Variants in SNX8 observed in about 807,000 individuals in gnomAD.
SNX8 encodes sorting nexin 8.
A neutral mutation model predicts 51.6 loss-of-function variants in SNX8; 25 were observed. The ratio of observed to expected loss-of-function variants is 0.48; its 90% CI spans 0.35 to 0.68. SNX8 has a LOEUF of 0.68. SNX8 is among the 30% of genes least tolerant of loss of function. The probability of loss-of-function intolerance (pLI) is 0.00; values close to 1 mark genes in which losing one functional copy is unlikely to be tolerated. For missense variants in SNX8, 695 were observed against 624.0 expected, an observed-to-expected ratio of 1.11 and a Z score of -1.21; for synonymous variants, 324 against 277.0, an observed-to-expected ratio of 1.17 and a Z score of -1.68.
chr7:2,334,869 GAAAAAAAA>G (rs71023399), intron 1 of SNX8, among the ~76,000 whole-genome samples: 8 of 80,102 alleles, frequency 1.0e-4, no homozygotes, highest in East Asian at 3.2e-4. Context: ...GCCCATCTCT[GAAAAAAAA>G]AAAAAAAAAA....
At chr7:2,327,093 A>C (rs1583114483) in intron 1 of SNX8, among the ~76,000 whole-genome samples, 1 of 152,114 alleles carries the variant, frequency 6.6e-6, no homozygotes. Context: ...ATAGGGGAGG[A>C]TTCCTTCTTG....
rs976758077 is a variant in SNX8, at chr7:2,257,385, G to A, written c.1114C>T (p.Leu372=). Residue 372 remains leucine, a synonymous_variant, in exon 9 of 11, where the codon CTG becomes TTG. Transcript: ENST00000222990. ...CCCACCTCCACAATGCGGGACTCCA[G>A]CTGCTCCACGGACTCCGGCTCGCGG... The part of the protein sequence containing the change: ...QNREPESVEQ[L]ESRIVEQENA... 6 of 1,608,822 alleles carry A rather than the reference G, an allele frequency of 3.7e-6. No individual in the cohort carries two copies. The highest frequency in any genetic ancestry group is 5.1e-6 in the Non-Finnish European group (6 of 1,179,518).
intron 1 of SNX8, among the ~76,000 whole-genome samples, chr7:2,312,998 C>T (rs867556976): frequency 2.0e-5 from 3 of 152,136 alleles, no homozygotes; most frequent in South Asian, 4.2e-4. Flanking sequence ...CCCGGGTTCA[C>T]GCCATTCTCC....
At chr7:2,256,698 T>C (rs1388102681) in intron 10 of SNX8, among the ~76,000 whole-genome samples, 176 bp downstream of exon 10, 1 of 152,174 alleles carries the variant, frequency 6.6e-6, no homozygotes, top group African/African-American at 2.4e-5. Context: ...TGATTTTGGC[T>C]ACACAGGAGA....
intron 1 of SNX8, among the ~76,000 whole-genome samples, chr7:2,294,937 G>A (rs1413236991): frequency 3.3e-5 from 5 of 152,112 alleles, no homozygotes; most frequent in Non-Finnish European, 7.4e-5. Context: ...AGCTGAGGTA[G>A]GAGGATCACT....
chr7:2,294,119 T>G (rs1292945849), intron 1 of SNX8, among the ~76,000 whole-genome samples: 1 of 151,460 alleles, frequency 6.6e-6, no homozygotes, highest in African/African-American at 2.4e-5. Context: ...AAAAATTAGC[T>G]GGGCATGGTG....
intron 1 of SNX8, among the ~76,000 whole-genome samples, chr7:2,341,949 G>T (rs1164279846): frequency 6.6e-6 from 1 of 152,034 alleles, no homozygotes; most frequent in Non-Finnish European, 1.5e-5. Flanking sequence ...CTCCAGCCTG[G>T]ATGACAGAGT....
chr7:2,340,849 T>G (rs1778908728), intron 1 of SNX8, among the ~76,000 whole-genome samples: 2 of 97,476 alleles, frequency 2.1e-5, no homozygotes, highest in African/African-American at 4.0e-5. Context: ...AGAGGGAGGC[T>G]GCTTCTCAAA....
At chr7:2,283,619 G>A (rs897827602) in intron 1 of SNX8, among the ~76,000 whole-genome samples, 4 of 152,222 alleles carry the variant, frequency 2.6e-5, no homozygotes, top group African/African-American at 9.6e-5. Flanking sequence ...GTCCCCAGCT[G>A]CCAGTTCCCT....
chr7:2,263,462 C>T (rs929046898), intron 6 of SNX8, 100 bp from the exon 7 acceptor site: 34 of 1,216,754 alleles, frequency 2.8e-5, no homozygotes, highest in Admixed American at 7.1e-5. Flanking sequence ...CCACGGCAAC[C>T]TGCGTGACCC....
At chr7:2,350,262 C>A (rs1165280691) in intron 1 of SNX8, among the ~76,000 whole-genome samples, 1 of 152,198 alleles carries the variant, frequency 6.6e-6, no homozygotes, top group Non-Finnish European at 1.5e-5. Context: ...GACGTTGAGG[C>A]TCTCTTGATA....
At chr7:2,337,852 T>TAA (rs66642038) in intron 1 of SNX8, among the ~76,000 whole-genome samples, 6,870 of 131,398 alleles carry the variant, frequency 0.052, 542 homozygotes, top group African/African-American at 0.17. Flanking sequence ...GGATATCTTG[T>TAA]AAAAAAAAAA....
At chr7:2,343,046 C>G (rs535836432) in intron 1 of SNX8, among the ~76,000 whole-genome samples, 13 of 151,914 alleles carry the variant, frequency 8.6e-5, no homozygotes, top group Admixed American at 3.9e-4. Flanking sequence ...CCACCTGCCT[C>G]GACCTCCCAG....
intron 1 of SNX8, among the ~76,000 whole-genome samples, chr7:2,282,012 C>G (rs577417288): frequency 5.1e-4 from 77 of 152,312 alleles, no homozygotes; most frequent in African/African-American, 1.4e-3. Context: ...AAGTGTCTTG[C>G]CCCTGAAATG....
intron 5 of SNX8, among the ~76,000 whole-genome samples, chr7:2,265,084 G>A (rs1472372207): frequency 6.6e-6 from 1 of 152,190 alleles, no homozygotes; most frequent in Non-Finnish European, 1.5e-5. Context: ...GCCGGGCGCA[G>A]TGGCTCACGC....
At chr7:2,349,978 C>T (rs1049286366) in intron 1 of SNX8, among the ~76,000 whole-genome samples, 2 of 152,052 alleles carry the variant, frequency 1.3e-5, no homozygotes, top group East Asian at 3.9e-4. Flanking sequence ...CCGGAGCCAC[C>T]CCACTAGAGA....
intron 1 of SNX8, among the ~76,000 whole-genome samples, chr7:2,285,038 T>C (rs553777540): frequency 2.5e-4 from 38 of 151,748 alleles, no homozygotes; most frequent in African/African-American, 8.2e-4. Flanking sequence ...CGATGAAACC[T>C]CATCTCTTCT....
At position 2,339,043 on chromosome 7, in the gene SNX8, C is replaced by T. The variant is rs185261924; in HGVS notation, c.-66+15179G>A. ...CCTCCAACCTCAGCCTCCCCAGTAGCTAGAACCATAGGCACAAGTCACCAC... is the reference window on the plus strand; with the variant it reads ...CCTCCAACCTCAGCCTCCCCAGTAGTTAGAACCATAGGCACAAGTCACCAC... On this transcript the variant is annotated intron_variant, in intron 1 of 5. Transcript: ENST00000435336. Among the ~76,000 whole-genome samples, 1,207 of 152,134 alleles carry T rather than the reference C, an allele frequency of 7.9e-3. 14 individuals carry two copies. Among genetic ancestry groups the T allele is most frequent in the Non-Finnish European group, 0.014 (930 of 67,996 alleles).
rs147114051 is a variant in SNX8, at chr7:2,298,817, G to A, written c.94+15511C>T. On this transcript the variant is annotated intron_variant, in intron 1 of 10. Coordinates refer to ENST00000222990, the MANE Select transcript of SNX8 (RefSeq NM_013321.4). ...AGAGATTCTCATACCTCAGCCTCCC[G>A]AGCAGCTGGGATTACAGGCACATGC... is the stretch of plus-strand genomic sequence containing the variant. Among the ~76,000 whole-genome samples the A allele has an allele frequency of 7.8e-3, 1,189 of 151,470 alleles. 14 individuals carry two copies. Among genetic ancestry groups the A allele is most frequent in the South Asian group, 0.035 (169 of 4,814 alleles).
Sources: gnomAD v4.1 joint callset for allele counts (sites outside exome capture counted in the v4.1 genomes callset) on GRCh38, gnomAD v4.1.1 for gene constraint, MANE v1.5 for transcripts, NCBI Gene and HGNC (gene_info 2026-07-23, HGNC 2026-07-21) for gene names.